Variants in TENM1 observed in about 807,000 individuals in gnomAD.
TENM1 encodes the protein teneurin-1.
A neutral mutation model predicts 174.8 loss-of-function variants in TENM1; 35 were observed. The observed-to-expected ratio is 0.20, with a 90% CI of 0.15 to 0.27. The LOEUF (loss-of-function observed/expected upper bound fraction) is 0.27. Ranked by LOEUF, TENM1 falls within the 10% of genes least tolerant of loss-of-function variation. The pLI, the probability that TENM1 is intolerant of heterozygous loss-of-function variation, is 1.00. For synonymous variants in TENM1, 781 were observed against 798.7 expected, an observed-to-expected ratio of 0.98 and a Z score of 0.37; for missense variants, 1,633 against 2,130.1, an observed-to-expected ratio of 0.77 and a Z score of 4.59.
chrX:124,755,168 G>A (rs1448719094), intron 3 of TENM1, among the ~76,000 whole-genome samples: 1 of 104,020 alleles, frequency 9.6e-6, no homozygotes, highest in Non-Finnish European at 1.9e-5. Context: ...GAATCTGGGT[G>A]CTCCTGTATT....
At chrX:125,035,008 A>T in the TENM1 span, among the ~76,000 whole-genome samples, 2 of 112,123 alleles carry the variant, frequency 1.8e-5, no homozygotes, top group Admixed American at 9.5e-5. Context: ...AAATATTTTC[A>T]TTCACTATAG....
At chrX:124,720,939 A>G (rs1385274639) in intron 4 of TENM1, among the ~76,000 whole-genome samples, 1 of 111,975 alleles carries the variant, frequency 8.9e-6, no homozygotes, top group African/African-American at 3.2e-5. Flanking sequence ...GTAAACTTGC[A>G]ATTAATTAGA....
the TENM1 span, among the ~76,000 whole-genome samples, chrX:125,100,639 T>C: frequency 8.9e-6 from 1 of 112,077 alleles, no homozygotes; most frequent in African/African-American, 3.2e-5. Flanking sequence ...TGGTCACTAT[T>C]CTGCACAGCT....
intron 1 of TENM1, among the ~76,000 whole-genome samples, chrX:124,928,629 C>T (rs2058124634): frequency 8.9e-6 from 1 of 112,059 alleles, no homozygotes; most frequent in South Asian, 3.7e-4. Flanking sequence ...GAACTTAGAT[C>T]TTTTTAACAC....
In TENM1 at chrX:124,894,280, A is replaced by T. The variant is rs774731360; in HGVS notation, c.535+16T>A. ...AAGTAAAAATAATTTGTGATCAAAT[A>T]TTTGAAAACACTTGCCTTGAGTAGA... On this transcript the variant is annotated intron_variant, in intron 3 of 31. Coordinates refer to ENST00000422452, the Ensembl canonical transcript of TENM1. 1 of 1,186,827 alleles carries T rather than the reference A, an allele frequency of 8.4e-7. No individual in the cohort carries two copies. The highest frequency in any genetic ancestry group is 1.8e-5 in the African/African-American group (1 of 56,302).
chrX:124,509,713 A>ATT (rs753100747), intron 18 of TENM1, among the ~76,000 whole-genome samples: 29 of 75,857 alleles, frequency 3.8e-4, no homozygotes, highest in Non-Finnish European at 5.7e-4. Flanking sequence ...ACTTTCTGGA[A>ATT]TTTTTTTTTT....
intron 1 of TENM1, among the ~76,000 whole-genome samples, chrX:124,910,531 GA>G (rs2057820038): frequency 8.9e-6 from 1 of 111,899 alleles, no homozygotes; most frequent in Non-Finnish European, 1.9e-5. Flanking sequence ...ACCTTGGGGG[GA>G]AAAAGCACAA....
chrX:124,675,685 G>A (rs1206408286), intron 5 of TENM1, among the ~76,000 whole-genome samples: 2 of 107,123 alleles, frequency 1.9e-5, no homozygotes, highest in Non-Finnish European at 3.9e-5. Flanking sequence ...AGAGGGTAGT[G>A]GGTTAAGACA....
intron 3 of TENM1, among the ~76,000 whole-genome samples, chrX:124,819,081 T>G (rs1336391128): frequency 8.9e-6 from 1 of 111,800 alleles, no homozygotes; most frequent in Non-Finnish European, 1.9e-5. Context: ...AATATAAATT[T>G]CATATAATCC....
intron 11 of TENM1, among the ~76,000 whole-genome samples, chrX:124,634,456 G>A (rs2050831363): frequency 9.0e-6 from 1 of 111,471 alleles, no homozygotes; most frequent in African/African-American, 3.3e-5. Flanking sequence ...TACTGAAGAT[G>A]CTAAATTCTA....
intron 11 of TENM1, among the ~76,000 whole-genome samples, chrX:124,583,660 C>T (rs1460050156): frequency 9.8e-5 from 11 of 112,270 alleles, no homozygotes; most frequent in Non-Finnish European, 1.1e-4. Context: ...CAGCTCCTCA[C>T]CAGCAACGGA....
intron 6 of TENM1, among the ~76,000 whole-genome samples, chrX:124,669,555 A>T (rs1171858992): frequency 9.0e-6 from 1 of 110,629 alleles, no homozygotes; most frequent in African/African-American, 3.3e-5. Flanking sequence ...TACATATGGC[A>T]TTAAAAAAAA....
chrX:124,908,266 C>T (rs1022009937), intron 1 of TENM1, among the ~76,000 whole-genome samples: 1 of 111,283 alleles, frequency 9.0e-6, no homozygotes, highest in Non-Finnish European at 1.9e-5. Context: ...CAACCCGTCA[C>T]CTAGGTTTTA....
At chrX:125,174,178 T>C in the TENM1 span, among the ~76,000 whole-genome samples, 4 of 111,493 alleles carry the variant, frequency 3.6e-5, no homozygotes, top group Non-Finnish European at 1.9e-5. Context: ...GAGTTTCAGA[T>C]ATCAGCAGAA....
intron 4 of TENM1, among the ~76,000 whole-genome samples, chrX:124,725,952 G>A (rs898905168): frequency 3.6e-5 from 4 of 112,215 alleles, no homozygotes; most frequent in African/African-American, 1.3e-4. Flanking sequence ...AAGAACTTGT[G>A]TTCTCTCTTG....
At chrX:124,889,268 A>G (rs992932152) in intron 3 of TENM1, among the ~76,000 whole-genome samples, 1 of 111,410 alleles carries the variant, frequency 9.0e-6, no homozygotes, top group African/African-American at 3.3e-5. Flanking sequence ...CCCTCATTGT[A>G]GCTGATGAGA....
chrX:125,179,885 T>C, the TENM1 span, among the ~76,000 whole-genome samples: 2 of 105,851 alleles, frequency 1.9e-5, no homozygotes, highest in Admixed American at 2.1e-4. Flanking sequence ...GTAATTGCCA[T>C]CTGCCCCCAT....
the TENM1 span, among the ~76,000 whole-genome samples, chrX:125,123,242 G>C: frequency 9.1e-6 from 1 of 110,261 alleles, no homozygotes; most frequent in African/African-American, 3.3e-5. Context: ...TTCAATTTTG[G>C]TATTTGGCTT....
the TENM1 span, among the ~76,000 whole-genome samples, chrX:125,034,504 C>A: frequency 1.6e-4 from 18 of 111,476 alleles, no homozygotes; most frequent in Non-Finnish European, 3.0e-4. Context: ...AAACTAACAA[C>A]AGTCCAACAG....
Sources: gnomAD v4.1 joint callset for allele counts (sites outside exome capture counted in the v4.1 genomes callset) on GRCh38, gnomAD v4.1.1 for gene constraint, MANE v1.5 for transcripts, NCBI Gene and HGNC (gene_info 2026-07-23, HGNC 2026-07-21) for gene names.